The following DEPDC1B variants were observed in gnomAD, a reference collection of about 807,000 sequenced individuals.
DEPDC1B encodes the protein DEP domain containing 1B.
In DEPDC1B, 51 loss-of-function variants were observed where a neutral mutation model predicts 66.5. The observed-to-expected ratio is 0.77, with a 90% CI of 0.61 to 0.97. The LOEUF (loss-of-function observed/expected upper bound fraction) is 0.97, where lower values mean the gene tolerates loss of function less well. Ranked by LOEUF, DEPDC1B falls within the 50% of genes least tolerant of loss-of-function variation. DEPDC1B has a pLI of 0.00. For missense variants in DEPDC1B, 552 were observed against 637.1 expected (o/e 0.87, Z 1.44); for synonymous variants, 226 against 223.6 (o/e 1.01, Z -0.10).
In DEPDC1B at chr5:60,647,281, T is replaced by C. The variant is rs989960596; in HGVS notation, c.450+117A>G. On this transcript the variant is annotated intron_variant, in intron 3 of 10. Transcript: ENST00000265036. The stretch of plus-strand genomic sequence containing the variant: ...TCCCAGCTGTTGGCAGGTACAATTT[T>C]GTTTTAAAGTACCTTTAAATTATTG... The C allele has an allele frequency of 9.2e-6, 12 of 1,305,410 alleles. No homozygotes were observed. In the Admixed American group the frequency reaches 1.6e-4, roughly 18 times the overall value. The allele number at this position is 1,305,410 out of a possible 1,614,324, so 80.9% of individuals were successfully genotyped here. A position where few individuals can be genotyped will look rare whatever the true frequency, so the allele number is the denominator to read the frequency against.
At chr5:60,670,030 A>T (rs918269295) in intron 2 of DEPDC1B, among the ~76,000 whole-genome samples, 11 of 152,172 alleles carry the variant, frequency 7.2e-5, no homozygotes, top group Admixed American at 1.3e-4. Flanking sequence ...ACTGCACCGA[A>T]ATAATCACCC....
At chr5:60,642,948 A>G in intron 5 of DEPDC1B, 89 bp from the exon 6 acceptor site, 1 of 941,940 alleles carries the variant, frequency 1.1e-6, no homozygotes, top group Non-Finnish European at 1.6e-6. Flanking sequence ...TTACTTGCCC[A>G]AGTAATATGA....
chr5:60,618,655 C>T (rs1752624622), intron 7 of DEPDC1B, among the ~76,000 whole-genome samples: 1 of 152,120 alleles, frequency 6.6e-6, no homozygotes. Flanking sequence ...AATAGCTTAC[C>T]AACCAATAAA....
intron 2 of DEPDC1B, among the ~76,000 whole-genome samples, chr5:60,678,130 A>T (rs774911132): frequency 1.0e-4 from 15 of 148,764 alleles, no homozygotes; most frequent in African/African-American, 2.5e-4. Context: ...GTAAAATAAA[A>T]TTTTTTTTTT....
chr5:60,659,410 C>G, intron 2 of DEPDC1B, among the ~76,000 whole-genome samples: 1 of 152,200 alleles, frequency 6.6e-6, no homozygotes, highest in East Asian at 1.9e-4. Context: ...CAGTTAAAAA[C>G]AGTAGCATGG....
At chr5:60,611,826 A>C (rs960920468) in intron 7 of DEPDC1B, among the ~76,000 whole-genome samples, 1 of 152,244 alleles carries the variant, frequency 6.6e-6, no homozygotes, top group African/African-American at 2.4e-5. Flanking sequence ...TTCATAACAT[A>C]AAAGTGCAAG....
chr5:60,680,916 A>G (rs1754282683), intron 2 of DEPDC1B, among the ~76,000 whole-genome samples: 1 of 152,176 alleles, frequency 6.6e-6, no homozygotes, highest in African/African-American at 2.4e-5. Flanking sequence ...AGAGATGAAG[A>G]CCTCATTTCA....
intron 9 of DEPDC1B, among the ~76,000 whole-genome samples, chr5:60,601,425 C>G (rs1037107997): frequency 2.0e-5 from 3 of 152,210 alleles, no homozygotes; most frequent in Non-Finnish European, 4.4e-5. Flanking sequence ...TGAACACTCT[C>G]TTATACCACT....
At chr5:60,612,768 T>A (rs1584027475) in intron 7 of DEPDC1B, among the ~76,000 whole-genome samples, 1 of 151,670 alleles carries the variant, frequency 6.6e-6, no homozygotes, top group South Asian at 2.1e-4. Flanking sequence ...CTGGAGATTG[T>A]TAGAAAATTT....
At chr5:60,614,473 C>A (rs952225727) in intron 7 of DEPDC1B, among the ~76,000 whole-genome samples, 1 of 152,098 alleles carries the variant, frequency 6.6e-6, no homozygotes, top group Non-Finnish European at 1.5e-5. Flanking sequence ...CAAGCATGTG[C>A]CCCAACACCC....
chr5:60,616,058 C>T (rs1752546405), intron 7 of DEPDC1B, among the ~76,000 whole-genome samples: 1 of 152,186 alleles, frequency 6.6e-6, no homozygotes, highest in Admixed American at 6.5e-5. Flanking sequence ...CCAGCAAACA[C>T]CAACAGACCT....
intron 1 of DEPDC1B, among the ~76,000 whole-genome samples, chr5:60,694,021 A>G (rs1350627285): frequency 6.6e-6 from 1 of 152,124 alleles, no homozygotes; most frequent in Admixed American, 6.5e-5. Context: ...AGGTATATCC[A>G]CTAATTGACC....
intron 2 of DEPDC1B, among the ~76,000 whole-genome samples, chr5:60,677,544 C>CTT (rs532872320): frequency 2.6e-5 from 4 of 151,232 alleles, no homozygotes; most frequent in African/African-American, 9.7e-5. Context: ...TTTATTTTTT[C>CTT]TTTTTTTTAT....
At chr5:60,614,342 T>C (rs1054084565) in intron 7 of DEPDC1B, among the ~76,000 whole-genome samples, 1 of 152,192 alleles carries the variant, frequency 6.6e-6, no homozygotes, top group Non-Finnish European at 1.5e-5. Flanking sequence ...GTTTCTGTCT[T>C]CCTCCAATTG....
intron 2 of DEPDC1B, among the ~76,000 whole-genome samples, chr5:60,681,250 CCT>C (rs1442435058): frequency 5.3e-5 from 8 of 152,186 alleles, no homozygotes; most frequent in African/African-American, 1.9e-4. Flanking sequence ...GACCATCACA[CCT>C]TGCCCACTAC....
chr5:60,612,192 G>A (rs1227215491), intron 7 of DEPDC1B, among the ~76,000 whole-genome samples: 1 of 152,086 alleles, frequency 6.6e-6, no homozygotes, highest in African/African-American at 2.4e-5. Context: ...GGAGGCTGAG[G>A]TGAGTGGATC....
intron 7 of DEPDC1B, among the ~76,000 whole-genome samples, chr5:60,626,517 T>C (rs968521430): frequency 6.6e-6 from 1 of 152,186 alleles, no homozygotes; most frequent in African/African-American, 2.4e-5. Flanking sequence ...CAAACGGCAG[T>C]GCCATTTTAT....
chr5:60,684,841 G>A (rs569420577), intron 2 of DEPDC1B, among the ~76,000 whole-genome samples: 6 of 152,178 alleles, frequency 3.9e-5, no homozygotes, highest in Non-Finnish European at 7.4e-5. Context: ...CATCCAACAA[G>A]GGACTAATAT....
At chr5:60,607,571 G>T (rs1055758869) in intron 7 of DEPDC1B, among the ~76,000 whole-genome samples, 5 of 152,144 alleles carry the variant, frequency 3.3e-5, no homozygotes, top group African/African-American at 1.2e-4. Flanking sequence ...CATGGAGCTT[G>T]TTTTCCAGAA....
Sources: allele counts gnomAD v4.1 joint callset (sites outside exome capture counted in the v4.1 genomes callset), GRCh38; gene constraint gnomAD v4.1.1; transcripts MANE v1.5; gene names NCBI Gene and HGNC (gene_info 2026-07-23, HGNC 2026-07-21).